Variants in KCNQ3 observed in about 807,000 individuals in gnomAD.
The protein encoded by KCNQ3 is potassium voltage-gated channel subfamily KQT member 3.
KCNQ3 carries 30 observed loss-of-function variants against 92.5 expected under a neutral mutation model. The ratio of observed to expected loss-of-function variants is 0.32; its 90% CI spans 0.24 to 0.44. The LOEUF (loss-of-function observed/expected upper bound fraction) is 0.44, where lower values mean the gene tolerates loss of function less well. Ranked by LOEUF, KCNQ3 falls within the 20% of genes least tolerant of loss-of-function variation. The pLI, the probability that KCNQ3 is intolerant of heterozygous loss-of-function variation, is 1.00. For synonymous variants in KCNQ3, 450 were observed against 468.8 expected (o/e 0.96, Z 0.52); for missense variants, 913 against 1,140.3 (o/e 0.80, Z 2.87).
chr8:132,202,948 T>A (rs1827506554), intron 1 of KCNQ3, among the ~76,000 whole-genome samples: 1 of 148,672 alleles, frequency 6.7e-6, no homozygotes, highest in Non-Finnish European at 1.5e-5. Context: ...TTTGTCATAA[T>A]AGAATACCAC....
intron 13 of KCNQ3, 46 bp from the exon 14 acceptor site, chr8:132,132,310 G>T: frequency 6.7e-7 from 1 of 1,487,886 alleles, no homozygotes; most frequent in Non-Finnish European, 9.4e-7. Flanking sequence ...ATCTATTTTT[G>T]CTATGCAAGG....
At chr8:132,444,184 C>T (rs1878017) in intron 1 of KCNQ3, among the ~76,000 whole-genome samples, 79,443 of 151,820 alleles carry the variant, frequency 0.52, 22,942 homozygotes, top group Non-Finnish European at 0.66. Flanking sequence ...GCTCAGAGGA[C>T]GTGGGTGGGT....
chr8:132,340,165 AG>A, intron 1 of KCNQ3, among the ~76,000 whole-genome samples: 1 of 152,168 alleles, frequency 6.6e-6, no homozygotes, highest in East Asian at 1.9e-4. Flanking sequence ...TGTTGGTAGG[AG>A]TGTAAATTAG....
At chr8:132,180,441 G>A in intron 3 of KCNQ3, 112 bp from the exon 4 acceptor site, 1 of 1,135,170 alleles carries the variant, frequency 8.8e-7, no homozygotes, top group Non-Finnish European at 1.3e-6. Flanking sequence ...GCCAAGCAGT[G>A]GGACAATCTG....
At chr8:132,271,532 C>T (rs762662532) in intron 1 of KCNQ3, among the ~76,000 whole-genome samples, 7 of 152,140 alleles carry the variant, frequency 4.6e-5, no homozygotes, top group Non-Finnish European at 8.8e-5. Flanking sequence ...TTAACCTACA[C>T]GGACCACTGA....
At chr8:132,218,157 C>T (rs895451727) in intron 1 of KCNQ3, among the ~76,000 whole-genome samples, 2 of 152,178 alleles carry the variant, frequency 1.3e-5, no homozygotes, top group African/African-American at 4.8e-5. Context: ...AAAAGCTCTG[C>T]TCCATTCATG....
At chr8:132,177,252 G>T (rs903160697) in intron 4 of KCNQ3, among the ~76,000 whole-genome samples, 3 of 152,152 alleles carry the variant, frequency 2.0e-5, no homozygotes, top group Admixed American at 6.5e-5. Flanking sequence ...GTGAAAATGG[G>T]TCCTAATTCT....
intron 13 of KCNQ3, among the ~76,000 whole-genome samples, chr8:132,133,556 A>C (rs1281856105): frequency 6.6e-6 from 1 of 151,814 alleles, no homozygotes; most frequent in African/African-American, 2.4e-5. Context: ...GGGTTTCACT[A>C]TGTTGGCCAG....
At chr8:132,398,591 T>A (rs932655847) in intron 1 of KCNQ3, among the ~76,000 whole-genome samples, 4 of 152,222 alleles carry the variant, frequency 2.6e-5, no homozygotes, top group African/African-American at 9.7e-5. Context: ...TTGCCCCTAT[T>A]AAAATGCTAT....
intron 1 of KCNQ3, among the ~76,000 whole-genome samples, chr8:132,423,782 C>A (rs1040707350): frequency 1.3e-5 from 2 of 152,156 alleles, no homozygotes; most frequent in African/African-American, 4.8e-5. Context: ...GCCACAGCGA[C>A]CTGCTCAGCT....
chr8:132,244,038 T>C (rs1194052899), intron 1 of KCNQ3, among the ~76,000 whole-genome samples: 2 of 152,106 alleles, frequency 1.3e-5, no homozygotes, highest in Admixed American at 6.5e-5. Context: ...CTAGATGTCA[T>C]TGTGCAGATT....
At chr8:132,292,790 T>C (rs1323908692) in intron 1 of KCNQ3, among the ~76,000 whole-genome samples, 1 of 152,200 alleles carries the variant, frequency 6.6e-6, no homozygotes, top group Non-Finnish European at 1.5e-5. Context: ...CTCTCTGACC[T>C]TCTTCATGTC....
At chr8:132,353,268 C>A (rs1818928361) in intron 1 of KCNQ3, among the ~76,000 whole-genome samples, 1 of 151,568 alleles carries the variant, frequency 6.6e-6, no homozygotes, top group East Asian at 2.0e-4. Context: ...AGGATTTTAA[C>A]TGGCAGACCT....
intron 1 of KCNQ3, among the ~76,000 whole-genome samples, chr8:132,233,362 C>A (rs990022074): frequency 6.6e-6 from 1 of 152,158 alleles, no homozygotes; most frequent in South Asian, 2.1e-4. Context: ...TTCTATAGGT[C>A]CATTCCATAA....
At chr8:132,348,475 T>C (rs2130700208) in intron 1 of KCNQ3, among the ~76,000 whole-genome samples, 1 of 152,368 alleles carries the variant, frequency 6.6e-6, no homozygotes, top group Non-Finnish European at 1.5e-5. Context: ...GAACTTTCTG[T>C]GATGGGAGAA....
At chr8:132,384,774 C>T (rs781423705) in intron 1 of KCNQ3, among the ~76,000 whole-genome samples, 7 of 152,222 alleles carry the variant, frequency 4.6e-5, no homozygotes, top group Non-Finnish European at 1.0e-4. Flanking sequence ...GTTTCAGTAT[C>T]AATTCTGCTA....
chr8:132,289,469 T>C (rs1027759278), intron 1 of KCNQ3, among the ~76,000 whole-genome samples: 1 of 152,172 alleles, frequency 6.6e-6, no homozygotes, highest in African/African-American at 2.4e-5. Flanking sequence ...GCTGCTGGCA[T>C]TCTTTGGTTT....
chr8:132,339,860 T>G (rs1446508433), intron 1 of KCNQ3, among the ~76,000 whole-genome samples: 2 of 151,978 alleles, frequency 1.3e-5, no homozygotes, highest in African/African-American at 4.8e-5. Context: ...GGGTAGCTTT[T>G]ATTGGAAGAT....
At chr8:132,376,994 A>G (rs1819627383) in intron 1 of KCNQ3, among the ~76,000 whole-genome samples, 1 of 152,192 alleles carries the variant, frequency 6.6e-6, no homozygotes, top group African/African-American at 2.4e-5. Flanking sequence ...GAGAGAGAGG[A>G]AAAGGGAATT....
Sources: gnomAD v4.1 joint callset for allele counts (sites outside exome capture counted in the v4.1 genomes callset) on GRCh38, gnomAD v4.1.1 for gene constraint, MANE v1.5 for transcripts, NCBI Gene and HGNC (gene_info 2026-07-23, HGNC 2026-07-21) for gene names.